PBDC1: variants seen among roughly 807,000 people sequenced by gnomAD.
The protein encoded by PBDC1 is protein PBDC1.
A neutral mutation model predicts 12.0 loss-of-function variants in PBDC1; 3 were observed. The ratio of observed to expected loss-of-function variants is 0.25; its 90% CI spans 0.11 to 0.64. The LOEUF (loss-of-function observed/expected upper bound fraction) is 0.64. Among genes scored for constraint, PBDC1 ranks in the 30% least tolerant of loss-of-function variants. The pLI is 0.84. For synonymous variants in PBDC1, 64 were observed against 56.4 expected (o/e 1.13, Z -0.60); for missense variants, 162 against 168.1 (o/e 0.96, Z 0.20).
At chrX:76,176,260 C>T (rs868993179) in intron 4 of PBDC1, among the ~76,000 whole-genome samples, 1 of 109,746 alleles carries the variant, frequency 9.1e-6, no homozygotes, top group African/African-American at 3.3e-5. Context: ...CTCAAACAGT[C>T]CTCCTGCTTC....
chrX:76,176,545 A>G (rs1924798028), intron 4 of PBDC1, among the ~76,000 whole-genome samples: 1 of 112,320 alleles, frequency 8.9e-6, no homozygotes, highest in African/African-American at 3.2e-5. Context: ...TATTAAAATC[A>G]TTTGTGTTTT....
At chrX:76,177,054 A>G (rs1924812129) in intron 5 of PBDC1, 62 bp downstream of exon 5, 1 of 743,358 alleles carries the variant, frequency 1.3e-6, no homozygotes, top group Non-Finnish European at 2.1e-6. Context: ...GGCTTTACTG[A>G]TGAATCAGTG....
intron 4 of PBDC1, among the ~76,000 whole-genome samples, chrX:76,176,433 G>T (rs1556796954): frequency 9.0e-6 from 1 of 111,600 alleles, no homozygotes; most frequent in African/African-American, 3.3e-5. Flanking sequence ...GGGATTGCAG[G>T]CGTGAGCCAC....
At chrX:76,174,088 A>T (rs1303843603) in intron 2 of PBDC1, among the ~76,000 whole-genome samples, 1 of 112,222 alleles carries the variant, frequency 8.9e-6, no homozygotes, top group Non-Finnish European at 1.9e-5. Flanking sequence ...TAGTAAAAAC[A>T]CCCAAATAAG....
intron 4 of PBDC1, among the ~76,000 whole-genome samples, chrX:76,175,989 A>C (rs957889465): frequency 2.7e-5 from 3 of 111,591 alleles, no homozygotes; most frequent in Non-Finnish European, 5.6e-5. Flanking sequence ...GCCATGGGTA[A>C]CTGGAAAACT....
At chrX:76,176,270 C>T (rs1383313231) in intron 4 of PBDC1, among the ~76,000 whole-genome samples, 3 of 110,104 alleles carry the variant, frequency 2.7e-5, no homozygotes, top group African/African-American at 9.9e-5. Context: ...CCTCCTGCTT[C>T]AGCCTCCCTA....
At chrX:76,174,278 A>G (rs782309595) in intron 2 of PBDC1, among the ~76,000 whole-genome samples, 1 of 111,453 alleles carries the variant, frequency 9.0e-6, no homozygotes, top group Admixed American at 9.5e-5. Flanking sequence ...TGCATGGTCT[A>G]AGGCATGGAG....
intron 1 of PBDC1, 38 bp downstream of exon 1, chrX:76,173,206 C>G (rs1556796588): frequency 1.8e-6 from 2 of 1,108,211 alleles, no homozygotes; most frequent in Non-Finnish European, 2.4e-6. Context: ...GTGGGGAGGT[C>G]GAGCCAGGTG....
At position 76,177,697 on chromosome X, in the gene PBDC1, A is replaced by G; in HGVS notation, c.491A>G (p.Asp164Gly). The change falls in exon 6 of 6, where the codon GAC becomes GGC. Residue 164 changes from aspartate to glycine, a missense_variant. Physicochemically the swap from Asp to Gly is moderately conservative, Grantham distance 94. Transcript: ENST00000373358. Reference sequence around the variant, plus strand: ...AAAGCTGTTTATATCAGTGTTCAGGACAAAGAAGGAGAGAAAGGAGTCAAC... The same window carrying G: ...AAAGCTGTTTATATCAGTGTTCAGGGCAAAGAAGGAGAGAAAGGAGTCAAC... ...YNKAVYISVQ[D>G]KEGEKGVNNG... is the part of the protein sequence containing the mutation. 1 of 1,206,927 alleles carries G rather than the reference A, an allele frequency of 8.3e-7. No homozygotes were observed. Among genetic ancestry groups the G allele is most frequent in the Non-Finnish European group, 1.1e-6 (1 of 893,743 alleles).
Position 76,177,754 on chromosome X carries a change from A to G in PBDC1, c.548A>G (p.Glu183Gly), listed in dbSNP as rs1383245605. The change falls in exon 6 of 6, where the codon GAA becomes GGA. Residue 183 changes from glutamate to glycine, a missense_variant. Glu to Gly is a moderately conservative substitution (Grantham distance 98). Coordinates refer to ENST00000373358, the MANE Select transcript of PBDC1 (RefSeq NM_016500.5). ...NGGEKRADSGEEENTKNGGEK... is the reference protein window; with the variant it reads ...NGGEKRADSGGEENTKNGGEK... ...GGAGAAAAAAGAGCTGACAGTGGAG[A>G]AGAAGAGAACACCAAGAATGGAGGA... 6 of 1,209,306 alleles carry G rather than the reference A, an allele frequency of 5.0e-6. No individual in the cohort carries two copies. The highest frequency in any genetic ancestry group is 6.7e-6 in the Non-Finnish European group (6 of 894,528).
In PBDC1 at chrX:76,177,641, T is replaced by A; in HGVS notation, c.435T>A (p.Ile145=). 3 of 1,183,264 alleles carry A rather than the reference T, an allele frequency of 2.5e-6. No homozygotes were observed. The highest frequency in any genetic ancestry group is 3.4e-6 in the Non-Finnish European group (3 of 886,687). The change falls in exon 6 of 6, where the codon ATT becomes ATA. Residue 145 remains isoleucine, a synonymous_variant. Transcript: ENST00000373358. The stretch of plus-strand genomic sequence containing the variant: ...CCCCCAGGATACAATTCTTTGCCAT[T>A]GAAATTGCTCGGAACCGGGAAGGCT... ...IFAPRIQFFA[I]EIARNREGYN...
At chrX:76,176,708 C>T (rs1924801989) in intron 4 of PBDC1, among the ~76,000 whole-genome samples, 173 bp from the exon 5 acceptor site, 1 of 111,461 alleles carries the variant, frequency 9.0e-6, no homozygotes, top group Non-Finnish European at 1.9e-5. Flanking sequence ...AGTCTAAAGA[C>T]ACAATAGGTA....
rs868934390 is a variant in PBDC1, at chrX:76,175,730, C to T, written c.297+117C>T. 1.1e-5 allele frequency: 6 copies of T among 525,118 alleles called. No homozygotes were observed. In the Admixed American group the frequency reaches 1.4e-4, roughly 12 times the overall value. 43.3% of individuals were successfully genotyped at this position (525,118 alleles called of 1,213,427 possible). ...GAGAAAAATATGTAAAGAACCAGAA[C>T]TTCTTTTCTAGTTGTAATCAACTAA... is the stretch of plus-strand genomic sequence containing the variant. On this transcript the variant is annotated intron_variant, in intron 4 of 5. Coordinates refer to ENST00000373358, the MANE Select transcript of PBDC1 (RefSeq NM_016500.5).
At chrX:76,176,516 A>C (rs1444104197) in intron 4 of PBDC1, among the ~76,000 whole-genome samples, 1 of 112,078 alleles carries the variant, frequency 8.9e-6, no homozygotes, top group Non-Finnish European at 1.9e-5. Flanking sequence ...GAAAACTGTC[A>C]CTACTGAATG....
Position 76,177,062 on chromosome X carries a change from G to A in PBDC1, c.409+70G>A, listed in dbSNP as rs985940431. The A allele has an allele frequency of 6.9e-5, 47 of 683,567 alleles. No homozygotes were observed. The African/African-American group carries it at 9.9e-4, about 14-fold the overall frequency. The allele number at this position is 683,567 out of a possible 1,213,427, so 56.3% of individuals were successfully genotyped here. ...ACAGTCTGGCTTTACTGATGAATCA[G>A]TGATGTGTATAGTTAGGTCACCTTA... On this transcript the variant is annotated intron_variant, in intron 5 of 5. Coordinates refer to ENST00000373358, the MANE Select transcript of PBDC1 (RefSeq NM_016500.5).
chrX:76,174,094 A>G, intron 2 of PBDC1, among the ~76,000 whole-genome samples: 1 of 112,276 alleles, frequency 8.9e-6, no homozygotes, highest in Middle Eastern at 4.7e-3. Context: ...AAACACCCAA[A>G]TAAGAGTGTG....
rs1924842924 is a variant in PBDC1, at chrX:76,178,289, A to C, written c.*381A>C. On this transcript the variant is annotated 3_prime_UTR_variant, in exon 6 of 6. Transcript: ENST00000373358. ...CTCATCACCATGTCTTATATAAGAT[A>C]ATTTACTCCTGTTTCTTACTGCTTC... 1 of 220,773 alleles carries C rather than the reference A, an allele frequency of 4.5e-6. No homozygotes were observed. Among genetic ancestry groups the C allele is most frequent in the African/African-American group, 2.9e-5 (1 of 34,406 alleles). The allele number at this position is 220,773 out of a possible 1,213,427, so 18.2% of individuals were successfully genotyped here.
intron 2 of PBDC1, among the ~76,000 whole-genome samples, chrX:76,174,420 A>G (rs1556796722): frequency 8.9e-6 from 1 of 112,047 alleles, no homozygotes; most frequent in East Asian, 2.8e-4. Flanking sequence ...TCATGTGCTA[A>G]TTCATTTCTA....
rs1172265768 is a variant in PBDC1 at position 76,173,076 on chromosome X, ACT to A, written c.-60_-59del. 80 of 1,118,864 alleles carry A rather than the reference ACT, an allele frequency of 7.2e-5. No homozygotes were observed. Among genetic ancestry groups the A allele is most frequent in the Admixed American group, 3.1e-4 (12 of 38,265 alleles). The allele number at this position is 1,118,864 out of a possible 1,213,427, so 92.2% of individuals were successfully genotyped here. On this transcript the variant is annotated 5_prime_UTR_variant, in exon 1 of 6. Coordinates refer to ENST00000373358, the MANE Select transcript of PBDC1 (RefSeq NM_016500.5). Reference sequence around the variant, plus strand: ...ACGGTGGAGCCGCCAGTTGAGAAGGACTCTGATCCGGCTCAGCTTTCCAATCA... The same window carrying A: ...ACGGTGGAGCCGCCAGTTGAGAAGGACTGATCCGGCTCAGCTTTCCAATCA...
Sources: allele counts gnomAD v4.1 joint callset (sites outside exome capture counted in the v4.1 genomes callset), GRCh38; gene constraint gnomAD v4.1.1; transcripts MANE v1.5; gene names NCBI Gene and HGNC (gene_info 2026-07-23, HGNC 2026-07-21).